Variants in LRRIQ3 observed in about 807,000 individuals in gnomAD.
LRRIQ3 encodes leucine rich repeats and IQ motif containing 3.
LRRIQ3 carries 75 observed loss-of-function variants against 59.3 expected under a neutral mutation model. That is an observed-to-expected ratio of 1.26 (90% confidence interval 1.05 to 1.53). LRRIQ3 has a LOEUF of 1.53. LRRIQ3 is among the 40% of genes most tolerant of loss of function. The pLI is 0.00. For missense variants in LRRIQ3, 831 were observed against 710.0 expected (o/e 1.17, Z -1.94); for synonymous variants, 250 against 231.3 (o/e 1.08, Z -0.73).
intron 4 of LRRIQ3, among the ~76,000 whole-genome samples, chr1:74,139,122 GTGTGTA>G (rs1382959230): frequency 2.3e-5 from 1 of 42,618 alleles, no homozygotes; most frequent in Non-Finnish European, 8.0e-5. Flanking sequence ...ATGTATGTGT[GTGTGTA>G]TATATATATA....
chr1:74,069,287 T>C (rs149146645), intron 6 of LRRIQ3, among the ~76,000 whole-genome samples: 3 of 152,136 alleles, frequency 2.0e-5, no homozygotes, highest in Non-Finnish European at 4.4e-5. Flanking sequence ...GGGTTAAAAA[T>C]CACTAACAGA....
At chr1:74,140,443 A>AAAT (rs139064265) in intron 4 of LRRIQ3, among the ~76,000 whole-genome samples, 3,323 of 151,922 alleles carry the variant, frequency 0.022, 95 homozygotes, top group African/African-American at 0.067. Context: ...AACTATAATG[A>AAAT]AATAATAATA....
At chr1:74,034,746 C>T (rs1237369710) in intron 7 of LRRIQ3, among the ~76,000 whole-genome samples, 2 of 151,602 alleles carry the variant, frequency 1.3e-5, no homozygotes, top group East Asian at 1.9e-4. Flanking sequence ...TAAAGTATTA[C>T]ATAAAACACA....
intron 6 of LRRIQ3, among the ~76,000 whole-genome samples, chr1:74,057,297 A>G (rs1403007220): frequency 3.9e-5 from 6 of 152,102 alleles, no homozygotes; most frequent in Admixed American, 2.6e-4. Context: ...ATAGCTTTTT[A>G]GTATATTTTA....
At chr1:74,118,726 TTTAA>T (rs2100581117) in intron 4 of LRRIQ3, among the ~76,000 whole-genome samples, 1 of 152,234 alleles carries the variant, frequency 6.6e-6, no homozygotes, top group East Asian at 1.9e-4. Flanking sequence ...AGAGATTTAT[TTTAA>T]GGAATTGGCT....
At chr1:74,096,687 C>T (rs1032908662) in intron 5 of LRRIQ3, among the ~76,000 whole-genome samples, 2 of 151,922 alleles carry the variant, frequency 1.3e-5, no homozygotes, top group Non-Finnish European at 2.9e-5. Flanking sequence ...TTTTATCTAC[C>T]TTTGGTCTTT....
Position 74,155,880 on chromosome 1 carries a change from A to G in LRRIQ3, c.574-14T>C. On this transcript the variant is annotated splice_polypyrimidine_tract_variant and intron_variant, in intron 3 of 7. Transcript: ENST00000354431. Reference sequence around the variant, plus strand: ...ATAGGTTGTTCCCTGTATAAAGAAAATATAATTAATAATTTTTATCTTTCA... The same window carrying G: ...ATAGGTTGTTCCCTGTATAAAGAAAGTATAATTAATAATTTTTATCTTTCA... 1.7e-6 allele frequency: 2 copies of G among 1,210,674 alleles called. No individual in the cohort carries two copies. The highest frequency in any genetic ancestry group is 2.9e-5 in the East Asian group (1 of 34,280). 75.0% of individuals were successfully genotyped at this position (1,210,674 alleles called of 1,614,324 possible).
At chr1:74,157,891 G>T (rs955444465) in intron 3 of LRRIQ3, among the ~76,000 whole-genome samples, 4 of 152,052 alleles carry the variant, frequency 2.6e-5, no homozygotes, top group African/African-American at 9.7e-5. Flanking sequence ...CCTGACCTAC[G>T]TAACAATATA....
At chr1:74,152,995 A>T (rs1004208276) in intron 4 of LRRIQ3, among the ~76,000 whole-genome samples, 2 of 152,204 alleles carry the variant, frequency 1.3e-5, no homozygotes, top group African/African-American at 4.8e-5. Context: ...GAAAGACTCA[A>T]AAGCTCTGTT....
intron 6 of LRRIQ3, among the ~76,000 whole-genome samples, chr1:74,057,603 A>C (rs564403910): frequency 6.6e-6 from 1 of 152,210 alleles, no homozygotes; most frequent in Non-Finnish European, 1.5e-5. Context: ...CTCAAAATGC[A>C]TTAAAGACTT....
intron 5 of LRRIQ3, among the ~76,000 whole-genome samples, chr1:74,088,780 C>T (rs1646360357): frequency 6.6e-6 from 1 of 151,372 alleles, no homozygotes; most frequent in Admixed American, 6.6e-5. Flanking sequence ...TTAGATATGA[C>T]ACAAAAAATA....
At chr1:74,065,689 C>T (rs1654846475) in intron 6 of LRRIQ3, among the ~76,000 whole-genome samples, 1 of 152,006 alleles carries the variant, frequency 6.6e-6, no homozygotes, top group Admixed American at 6.6e-5. Context: ...CTGGGTTTAG[C>T]TCTTTCAGTC....
chr1:74,066,187 G>GAAAAAAAA, intron 6 of LRRIQ3, among the ~76,000 whole-genome samples: 1 of 119,888 alleles, frequency 8.3e-6, no homozygotes, highest in African/African-American at 3.2e-5. Context: ...ACTCTGTCTC[G>GAAAAAAAA]AAAAAAAAAA....
At chr1:74,173,331 A>T (rs1259795487) in intron 3 of LRRIQ3, among the ~76,000 whole-genome samples, 2 of 150,158 alleles carry the variant, frequency 1.3e-5, no homozygotes, top group African/African-American at 4.9e-5. Context: ...CTCCCTCCTT[A>T]TCTTTTAACT....
intron 4 of LRRIQ3, among the ~76,000 whole-genome samples, chr1:74,126,068 G>T (rs769398036): frequency 6.6e-6 from 1 of 151,616 alleles, no homozygotes; most frequent in African/African-American, 2.4e-5. Context: ...ATCGTTTCAC[G>T]GTTCAATCTT....
At chr1:74,176,142 G>T (rs993210154) in intron 3 of LRRIQ3, among the ~76,000 whole-genome samples, 1 of 151,924 alleles carries the variant, frequency 6.6e-6, no homozygotes, top group Non-Finnish European at 1.5e-5. Context: ...TTATTTTAGG[G>T]GAGGTATGCT....
chr1:74,026,135 G>A lies in LRRIQ3; in HGVS notation c.*678C>T, dbSNP rs1653507190. 6.6e-6 allele frequency: 1 copy of A among 151,782 alleles called. No individual in the cohort carries two copies. Among genetic ancestry groups the A allele is most frequent in the African/African-American group, 2.4e-5 (1 of 41,368 alleles). 9.4% of individuals were successfully genotyped at this position (151,782 alleles called of 1,614,324 possible). A position where few individuals can be genotyped will look rare whatever the true frequency, so the allele number is the denominator to read the frequency against. On this transcript the variant is annotated 3_prime_UTR_variant, in exon 8 of 8. Transcript: ENST00000354431. ...TTATGATTCCAATATATAATTATAT[G>A]GGTTGTCTCTTGCTTCTCTCCTCTG...
intron 6 of LRRIQ3, among the ~76,000 whole-genome samples, chr1:74,057,402 T>C (rs1004674006): frequency 6.6e-6 from 1 of 152,006 alleles, no homozygotes; most frequent in Admixed American, 6.6e-5. Flanking sequence ...TGGAGACACA[T>C]AGATCAGTGG....
At chr1:74,029,631 T>G (rs1201595473) in intron 7 of LRRIQ3, among the ~76,000 whole-genome samples, 1 of 152,116 alleles carries the variant, frequency 6.6e-6, no homozygotes, top group African/African-American at 2.4e-5. Context: ...TGCATCGATG[T>G]TCACCAGGGA....
Sources: gnomAD v4.1 joint callset for allele counts (sites outside exome capture counted in the v4.1 genomes callset) on GRCh38, gnomAD v4.1.1 for gene constraint, MANE v1.5 for transcripts, NCBI Gene and HGNC (gene_info 2026-07-23, HGNC 2026-07-21) for gene names.